The following NCOA2 variants were observed in gnomAD, a reference collection of about 807,000 sequenced individuals.
The protein encoded by NCOA2 is nuclear receptor coactivator 2.
Under a neutral mutation model 145.1 loss-of-function variants are expected in NCOA2, and 21 were observed. The ratio of observed to expected loss-of-function variants is 0.14; its 90% CI spans 0.10 to 0.21. The LOEUF is 0.21. Among genes scored for constraint, NCOA2 ranks in the 10% least tolerant of loss-of-function variants. The pLI, the probability that NCOA2 is intolerant of heterozygous loss-of-function variation, is 1.00. For missense variants in NCOA2, 1,472 were observed against 1,837.6 expected, an observed-to-expected ratio of 0.80 and a Z score of 3.64; for synonymous variants, 619 against 637.5, an observed-to-expected ratio of 0.97 and a Z score of 0.44.
At chr8:70,218,694 G>A (rs911873363) in intron 2 of NCOA2, among the ~76,000 whole-genome samples, 1 of 152,168 alleles carries the variant, frequency 6.6e-6, no homozygotes, top group Non-Finnish European at 1.5e-5. Flanking sequence ...TCAATCATGA[G>A]ATGTAAGAAA....
At chr8:70,141,673 G>A (rs183917815) in intron 13 of NCOA2, among the ~76,000 whole-genome samples, 5 of 152,280 alleles carry the variant, frequency 3.3e-5, no homozygotes, top group South Asian at 2.1e-4. Context: ...GTGCCGTGGC[G>A]TGTGGATAAC....
intron 1 of NCOA2, among the ~76,000 whole-genome samples, chr8:70,366,722 A>T (rs1049106608): frequency 1.3e-5 from 2 of 151,252 alleles, no homozygotes; most frequent in African/African-American, 4.9e-5. Flanking sequence ...CATTGTATAA[A>T]ATTAAGCAGC....
At chr8:70,425,185 A>T in the NCOA2 span, among the ~76,000 whole-genome samples, 1 of 152,240 alleles carries the variant, frequency 6.6e-6, no homozygotes, top group Admixed American at 6.5e-5. Flanking sequence ...TGCACTAAGC[A>T]TGAGGTCTTG....
At chr8:70,277,915 A>G (rs12056770) in intron 2 of NCOA2, among the ~76,000 whole-genome samples, 8,356 of 152,298 alleles carry the variant, frequency 0.055, 307 homozygotes, top group East Asian at 0.16. Flanking sequence ...TATATAATTT[A>G]CATGCCATAC....
At chr8:70,126,738 G>A in intron 19 of NCOA2, 75 bp downstream of exon 19, 4 of 1,217,070 alleles carry the variant, frequency 3.3e-6, no homozygotes, top group Non-Finnish European at 4.8e-6. Flanking sequence ...CTGTGAGAGA[G>A]GAGCTGTGAC....
chr8:70,124,144 C>T, intron 20 of NCOA2, 62 bp from the exon 21 acceptor site: 3 of 1,491,836 alleles, frequency 2.0e-6, no homozygotes, highest in Non-Finnish European at 2.8e-6. Context: ...AGGCAGGCAG[C>T]TCAGGGCACT....
chr8:70,138,703 G>T (rs139651001), intron 14 of NCOA2, among the ~76,000 whole-genome samples: 21 of 152,270 alleles, frequency 1.4e-4, no homozygotes, highest in Admixed American at 3.3e-4. Flanking sequence ...TATGTTAAAA[G>T]ATTTTTTTCT....
At chr8:70,453,108 C>G in the NCOA2 span, among the ~76,000 whole-genome samples, 3 of 152,130 alleles carry the variant, frequency 2.0e-5, no homozygotes, top group African/African-American at 7.2e-5. Flanking sequence ...TTAAGTAGAA[C>G]CTTCAGATAG....
chr8:70,381,957 T>C (rs1812229547), intron 1 of NCOA2, among the ~76,000 whole-genome samples: 1 of 152,122 alleles, frequency 6.6e-6, no homozygotes, highest in Non-Finnish European at 1.5e-5. Flanking sequence ...AAAGAATATG[T>C]TTTAGAATTT....
chr8:70,157,221 TCA>T lies in NCOA2; in HGVS notation c.1142_1143del (p.Val381AspfsTer18). ...GTTTGTCCAGTCAGATCCGGATTCATCACACACACATTCTGCTCTCTGTATAA... is the reference window on the plus strand; with the variant it reads ...GTTTGTCCAGTCAGATCCGGATTCATCACACACATTCTGCTCTCTGTATAA... Reference protein sequence around the residue: ...HMLHREQNVCVMNPDLTGQTM... With the variant: ...HMLHREQNVCXMNPDLTGQTM... On this transcript the variant is annotated frameshift_variant, in exon 11 of 23. Transcript: ENST00000452400. LOFTEE classifies it high-confidence loss of function. 6.4e-7 allele frequency: 1 copy of T among 1,560,442 alleles called. No individual in the cohort carries two copies. The highest frequency in any genetic ancestry group is 8.7e-7 in the Non-Finnish European group (1 of 1,150,654).
rs535862101 is a variant in NCOA2 at position 70,400,341 on chromosome 8, G to A, written c.-77+3359C>T. Among the ~76,000 whole-genome samples the A allele has an allele frequency of 3.3e-5, 5 of 152,252 alleles. No homozygotes were observed. The South Asian group carries it at 6.2e-4, about 19-fold the overall frequency. ...TCTGAGAGCACACAATGGAATCACA[G>A]CTGACGATGCACATCTTTTTCTAGA... On this transcript the variant is annotated intron_variant, in intron 1 of 22. Coordinates refer to ENST00000452400, the MANE Select transcript of NCOA2 (RefSeq NM_006540.4).
rs753365641 is a variant in NCOA2 at position 70,129,961 on chromosome 8, C to A, written c.3325-981G>T. ...CTGGGATTACAGGCGTGAGCCACCA[C>A]GCCCAGCCTCAAGTTTTCTTTAGCT... On this transcript the variant is annotated intron_variant, in intron 16 of 22. Coordinates refer to ENST00000452400, the MANE Select transcript of NCOA2 (RefSeq NM_006540.4). Among the ~76,000 whole-genome samples the A allele has an allele frequency of 3.3e-5, 5 of 152,196 alleles. 1 individual carries two copies. Among genetic ancestry groups the A allele is most frequent in the Non-Finnish European group, 7.3e-5 (5 of 68,042 alleles).
At chr8:70,275,840 T>C (rs1008882316) in intron 2 of NCOA2, among the ~76,000 whole-genome samples, 2 of 152,202 alleles carry the variant, frequency 1.3e-5, no homozygotes, top group Non-Finnish European at 2.9e-5. Flanking sequence ...TCTTGTGTCA[T>C]AGATATATAG....
chr8:70,291,037 G>C (rs1289580308), intron 2 of NCOA2, among the ~76,000 whole-genome samples: 2 of 152,132 alleles, frequency 1.3e-5, no homozygotes, highest in Non-Finnish European at 2.9e-5. Flanking sequence ...TACTGTGGTG[G>C]CATTTATGTG....
rs1003001687 is a variant in NCOA2, at chr8:70,113,472, G to A, written c.*160C>T. 20 of 713,498 alleles carry A rather than the reference G, an allele frequency of 2.8e-5. No homozygotes were observed. Among genetic ancestry groups the A allele is most frequent in the Non-Finnish European group, 2.8e-5 (12 of 422,514 alleles). 44.2% of individuals were successfully genotyped at this position (713,498 alleles called of 1,614,324 possible). On this transcript the variant is annotated 3_prime_UTR_variant, in exon 23 of 23. Transcript: ENST00000452400. ...AGAGGCAGCTCCTCCTGCCACAGCC[G>A]AGTGGACGCCACCCTGGGAACCAGG... is the stretch of plus-strand genomic sequence containing the variant.
At chr8:70,371,867 GTAAGTTTT>G (rs1258752860) in intron 1 of NCOA2, among the ~76,000 whole-genome samples, 3 of 152,142 alleles carry the variant, frequency 2.0e-5, no homozygotes, top group Non-Finnish European at 2.9e-5. Context: ...TTTAAAAACT[GTAAGTTTT>G]TAAAAGTGCA....
At chr8:70,141,514 C>A in intron 13 of NCOA2, 115 bp from the exon 14 acceptor site, 1 of 969,700 alleles carries the variant, frequency 1.0e-6, no homozygotes, top group Non-Finnish European at 1.6e-6. Context: ...CACACTTAGC[C>A]AATAGCTAAT....
chr8:70,417,739 G>A, the NCOA2 span, among the ~76,000 whole-genome samples: 1 of 152,180 alleles, frequency 6.6e-6, no homozygotes, highest in Non-Finnish European at 1.5e-5. Context: ...GAATTGGGTT[G>A]TAGTTTTTCA....
chr8:70,207,092 A>C (rs1374340865), intron 4 of NCOA2, among the ~76,000 whole-genome samples: 1 of 152,194 alleles, frequency 6.6e-6, no homozygotes, highest in Non-Finnish European at 1.5e-5. Context: ...TCCCCTGGCA[A>C]ATAACCATAC....
Sources: allele counts gnomAD v4.1 joint callset (sites outside exome capture counted in the v4.1 genomes callset), GRCh38; gene constraint gnomAD v4.1.1; transcripts MANE v1.5; gene names NCBI Gene and HGNC (gene_info 2026-07-23, HGNC 2026-07-21).